Variants in UTP20 observed in about 807,000 individuals in gnomAD.
UTP20 encodes UTP20 small subunit processome component, also known as small subunit processome component 20 homolog.
In UTP20, 164 loss-of-function variants were observed where a neutral mutation model predicts 329.5. That is an observed-to-expected ratio of 0.50 (90% CI 0.44 to 0.57). The LOEUF is 0.57. Ranked by LOEUF, UTP20 falls within the 20% of genes least tolerant of loss-of-function variation. UTP20 has a pLI of 0.00. For synonymous variants in UTP20, 1,151 were observed against 1,159.3 expected (o/e 0.99, Z 0.14); for missense variants, 3,055 against 3,284.2 (o/e 0.93, Z 1.71).
chr12:101,374,448 T>A (rs1048057489), intron 54 of UTP20, among the ~76,000 whole-genome samples: 4 of 152,168 alleles, frequency 2.6e-5, no homozygotes, highest in African/African-American at 4.8e-5. Flanking sequence ...TGGCCCATCT[T>A]TGTGAAACAT....
chr12:101,291,637 A>G (rs910016549), intron 8 of UTP20, 105 bp from the exon 9 acceptor site: 3 of 1,235,348 alleles, frequency 2.4e-6, no homozygotes, highest in Non-Finnish European at 3.2e-6. Context: ...TTTTTCTTCC[A>G]AAGCAAGAGA....
intron 27 of UTP20, among the ~76,000 whole-genome samples, chr12:101,332,212 C>G (rs1440283719): frequency 6.6e-6 from 1 of 152,132 alleles, no homozygotes; most frequent in Non-Finnish European, 1.5e-5. Flanking sequence ...TGGTGCATGC[C>G]TGTAATCCCA....
chr12:101,329,145 G>A (rs1002065701), intron 26 of UTP20, 96 bp from the exon 27 acceptor site: 52 of 1,068,000 alleles, frequency 4.9e-5, no homozygotes, highest in Non-Finnish European at 6.6e-5. Flanking sequence ...AGAAAATACT[G>A]TATTATTAAG....
At chr12:101,332,971 C>T (rs918929125) in intron 27 of UTP20, among the ~76,000 whole-genome samples, 2 of 152,082 alleles carry the variant, frequency 1.3e-5, no homozygotes, top group Non-Finnish European at 2.9e-5. Context: ...ATGTTCTGTT[C>T]ATGGGAAGAA....
At position 101,338,830 on chromosome 12, in the gene UTP20, G is replaced by T. The variant is rs779255929; in HGVS notation, c.3886G>T (p.Gly1296Ter). 1 of 1,608,522 alleles carries T rather than the reference G, an allele frequency of 6.2e-7. No homozygotes were observed. Among genetic ancestry groups the T allele is most frequent in the Non-Finnish European group, 8.5e-7 (1 of 1,178,482 alleles). ...TATTTCAGAGTCTATCACAATAGGA[G>T]GAAGATTAATTCTACCTCATGTACC... is the stretch of plus-strand genomic sequence containing the variant. ...ENIGESITIG[G>*]RLILPHVPAI... is the part of the protein sequence containing the mutation. The change falls in exon 31 of 62, where the codon GGA (glycine) becomes TGA (stop). Residue 1296 changes from glycine (G) to a stop codon, truncating the protein, a stop_gained. Coordinates refer to ENST00000261637, the MANE Select transcript of UTP20 (RefSeq NM_014503.3). LOFTEE classifies it high-confidence loss of function.
chr12:101,321,378 G>A (rs1272119335), intron 24 of UTP20, 126 bp from the exon 25 acceptor site: 1 of 1,328,640 alleles, frequency 7.5e-7, no homozygotes, highest in African/African-American at 1.5e-5. Flanking sequence ...TTCCTTTATG[G>A]ATATCAACCA....
intron 36 of UTP20, 108 bp downstream of exon 36, chr12:101,344,858 T>G: frequency 1.2e-6 from 1 of 861,392 alleles, no homozygotes; most frequent in Non-Finnish European, 1.8e-6. Flanking sequence ...GTGCATTTAA[T>G]GAGAATACTT....
intron 48 of UTP20, 128 bp downstream of exon 48, chr12:101,368,104 G>T: frequency 1.4e-6 from 1 of 692,002 alleles, no homozygotes; most frequent in South Asian, 2.1e-5. Flanking sequence ...TGTTTGGTTG[G>T]TGGGTTTTTT....
chr12:101,282,738 G>A (rs1013760064), intron 2 of UTP20, among the ~76,000 whole-genome samples: 2 of 152,164 alleles, frequency 1.3e-5, no homozygotes, highest in Non-Finnish European at 2.9e-5. Context: ...GCCTTTTAAG[G>A]TCCTGTGTAA....
intron 16 of UTP20, among the ~76,000 whole-genome samples, chr12:101,306,446 A>G (rs922291788): frequency 1.7e-4 from 26 of 152,180 alleles, no homozygotes; most frequent in African/African-American, 5.3e-4. Context: ...AACTTAATCA[A>G]CTTCTTTGTA....
chr12:101,365,579 T>A lies in UTP20; in HGVS notation c.6079T>A (p.Tyr2027Asn), dbSNP rs1029548418. Residue 2027 changes from tyrosine to asparagine, a missense_variant, in exon 46 of 62, where the codon TAT becomes AAT. By Grantham distance (143) the Tyr-to-Asn change is moderately radical (BLOSUM62 -2). Transcript: ENST00000261637. ...AGCTGAATCCATTCTATTACTCAGT[T>A]ATGGTTTGATCAGTGAAAATCTTCC... ...MTAESILLLS[Y>N]GLISENLPLL... 32 of 1,603,400 alleles carry A rather than the reference T, an allele frequency of 2.0e-5. No homozygotes were observed. The East Asian group carries it at 7.0e-4, about 35-fold the overall frequency.
chr12:101,364,880 G>T (rs1870042026), intron 45 of UTP20, among the ~76,000 whole-genome samples: 1 of 152,088 alleles, frequency 6.6e-6, no homozygotes, highest in Non-Finnish European at 1.5e-5. Flanking sequence ...TCCCTCCAAG[G>T]TATTGAGAGT....
rs747101880 is a variant in UTP20, at chr12:101,366,646, G to T, written c.6214G>T (p.Ala2072Ser). ...AACTCCAGTTCGAGGTGGACAGAAA[G>T]CTGTTGTGAGCAGGAAAACCAACAT... ...PPTPVRGGQK[A>S]VVSRKTNMHI... is the part of the protein sequence containing the mutation. Residue 2072 changes from alanine to serine, a missense_variant, in exon 47 of 62, where the codon GCT (alanine) becomes TCT (serine). Transcript: ENST00000261637. The T allele has an allele frequency of 8.7e-6, 14 of 1,614,048 alleles. No individual in the cohort carries two copies. The Admixed American group carries it at 1.2e-4, about 13-fold the overall frequency.
intron 21 of UTP20, among the ~76,000 whole-genome samples, chr12:101,314,027 A>G (rs987699851): frequency 1.3e-5 from 2 of 152,210 alleles, no homozygotes; most frequent in Non-Finnish European, 2.9e-5. Context: ...TATGGATGGT[A>G]TTTTAAATGA....
intron 48 of UTP20, among the ~76,000 whole-genome samples, chr12:101,369,354 A>G (rs1205553463): frequency 1.3e-5 from 2 of 152,140 alleles, no homozygotes; most frequent in African/African-American, 4.8e-5. Context: ...ATGGTGGCTC[A>G]GGCCTATGAC....
chr12:101,326,213 TGG>T (rs1868545762), intron 25 of UTP20, among the ~76,000 whole-genome samples: 1 of 152,216 alleles, frequency 6.6e-6, no homozygotes, highest in Non-Finnish European at 1.5e-5. Flanking sequence ...TTGCATTTCC[TGG>T]GGCAATCCTT....
chr12:101,314,615 G>A (rs577832074), intron 21 of UTP20, among the ~76,000 whole-genome samples: 1 of 150,706 alleles, frequency 6.6e-6, no homozygotes, highest in African/African-American at 2.4e-5. Context: ...CCAAAATTGT[G>A]TCACTGCACT....
chr12:101,280,275 C>G lies in UTP20; in HGVS notation c.-8C>G. On this transcript the variant is annotated 5_prime_UTR_variant, in exon 1 of 62. Coordinates refer to ENST00000261637, the MANE Select transcript of UTP20 (RefSeq NM_014503.3). ...GAGGCCGTCGCGGGCCACTGGCCCT[C>G]TGCAGCCATGAAGACAAAGCCCGTT... 6.4e-7 allele frequency: 1 copy of G among 1,551,764 alleles called. No homozygotes were observed.
intron 31 of UTP20, among the ~76,000 whole-genome samples, chr12:101,340,142 G>T (rs528102163): frequency 6.2e-4 from 95 of 152,250 alleles, no homozygotes; most frequent in African/African-American, 2.1e-3. Flanking sequence ...GCTATCATGG[G>T]TGTTAAATTG....
Sources: gnomAD v4.1 joint callset for allele counts (sites outside exome capture counted in the v4.1 genomes callset) on GRCh38, gnomAD v4.1.1 for gene constraint, MANE v1.5 for transcripts, NCBI Gene and HGNC (gene_info 2026-07-23, HGNC 2026-07-21) for gene names.